KCTD1: variants seen among roughly 807,000 people sequenced by gnomAD.
KCTD1 encodes potassium channel tetramerization domain containing 1, also known as BTB/POZ domain-containing protein KCTD1.
In KCTD1, 24 loss-of-function variants were observed where a neutral mutation model predicts 66.0. That is an observed-to-expected ratio of 0.36 (90% CI 0.26 to 0.51). The LOEUF is 0.51. Among genes scored for constraint, KCTD1 ranks in the 20% least tolerant of loss-of-function variants. The pLI is 0.95. For missense variants in KCTD1, 943 were observed against 1,205.2 expected, an observed-to-expected ratio of 0.78 and a Z score of 3.22; for synonymous variants, 511 against 517.2, an observed-to-expected ratio of 0.99 and a Z score of 0.16.
At chr18:26,475,979 T>C (rs1981326293) in intron 3 of KCTD1, among the ~76,000 whole-genome samples, 1 of 152,240 alleles carries the variant, frequency 6.6e-6, no homozygotes. Context: ...AGAAACATTG[T>C]CAGCTGCAAA....
At chr18:26,603,787 T>TAAATAAAA (rs1464652163) in intron 1 of KCTD1, among the ~76,000 whole-genome samples, 1 of 141,112 alleles carries the variant, frequency 7.1e-6, no homozygotes, top group Non-Finnish European at 1.6e-5. Context: ...AATAAATAAA[T>TAAATAAAA]AAAACCCCAC....
chr18:26,594,700 C>T lies in KCTD1; in HGVS notation c.-16+34447G>A, dbSNP rs1434249854. Among the ~76,000 whole-genome samples the T allele has an allele frequency of 3.3e-5, 5 of 152,160 alleles. No homozygotes were observed. In the East Asian group the frequency reaches 7.7e-4, roughly 23 times the overall value. On this transcript the variant is annotated intron_variant, in intron 1 of 4. Coordinates refer to the KCTD1 transcript ENST00000317932. ...ATGTCTGGTCAACCAACAGTCTAGACGCTGCTGAGAAGATATTTTGGAATG... is the reference window on the plus strand; with the variant it reads ...ATGTCTGGTCAACCAACAGTCTAGATGCTGCTGAGAAGATATTTTGGAATG...
At chr18:26,499,050 A>G (rs1415384093) in intron 2 of KCTD1, among the ~76,000 whole-genome samples, 1 of 152,216 alleles carries the variant, frequency 6.6e-6, no homozygotes, top group Non-Finnish European at 1.5e-5. Context: ...TACAATGAGC[A>G]TAGAAGAAAA....
intron 1 of KCTD1, among the ~76,000 whole-genome samples, chr18:26,586,407 C>T (rs1986472985): frequency 6.6e-6 from 1 of 152,150 alleles, no homozygotes; most frequent in Non-Finnish European, 1.5e-5. Flanking sequence ...ACCAGCTGTT[C>T]CTCAGTCTCC....
intron 1 of KCTD1, chr18:26,581,728 C>T (rs1986357874): frequency 1.3e-5 from 2 of 151,976 alleles, no homozygotes; most frequent in African/African-American, 4.8e-5. Flanking sequence ...AAGACCTCAT[C>T]TCTAGATAAA....
Position 26,546,854 on chromosome 18 carries a change from C to T in KCTD1, c.1683G>A (p.Glu561=), listed in dbSNP as rs2144834650. 1 of 1,510,988 alleles carries T rather than the reference C, an allele frequency of 6.6e-7. No homozygotes were observed. Among genetic ancestry groups the T allele is most frequent in the Non-Finnish European group, 8.8e-7 (1 of 1,130,678 alleles). 93.6% of individuals were successfully genotyped at this position (1,510,988 alleles called of 1,614,324 possible). A position where few individuals can be genotyped will look rare whatever the true frequency, so the allele number is the denominator to read the frequency against. ...SPKRLCIRPS[E]PVDAVVVVSV... Reference sequence around the variant, plus strand: ...AAACCACCACCACCGCATCCACAGGCTCCGAGGGGCGGATACAAAGTCTTT... The same window carrying T: ...AAACCACCACCACCGCATCCACAGGTTCCGAGGGGCGGATACAAAGTCTTT... The change falls in exon 1 of 5, where the codon GAG becomes GAA. Residue 561 remains glutamate (E), a synonymous_variant. Transcript: ENST00000580059.
At chr18:26,552,571 T>TAAC (rs1395211254), upstream of KCTD1, among the ~76,000 whole-genome samples, 13 of 152,260 alleles carry the variant, frequency 8.5e-5, no homozygotes, top group Non-Finnish European at 1.6e-4. Context: ...ACATTATTGT[T>TAAC]TGCAAGTTAA....
chr18:26,613,520 C>A (rs1232650939), intron 1 of KCTD1, among the ~76,000 whole-genome samples: 1 of 152,146 alleles, frequency 6.6e-6, no homozygotes, highest in Non-Finnish European at 1.5e-5. Flanking sequence ...GGTGTGAAAG[C>A]AAAAGGAGAG....
At chr18:26,565,845 A>G (rs1256243600) in intron 1 of KCTD1, 1 of 152,158 alleles carries the variant, frequency 6.6e-6, no homozygotes, top group Non-Finnish European at 1.5e-5. Context: ...TGTACTAAGT[A>G]TACAGATCAT....
chr18:26,456,776 T>TAGAC (rs1980109199), intron 4 of KCTD1: 1 of 152,052 alleles, frequency 6.6e-6, no homozygotes, highest in Non-Finnish European at 1.5e-5. Flanking sequence ...TTAGATTAGA[T>TAGAC]AGACAAAAAT....
intron 1 of KCTD1, among the ~76,000 whole-genome samples, chr18:26,564,378 A>T (rs1985933070): frequency 6.6e-6 from 1 of 152,076 alleles, no homozygotes; most frequent in Non-Finnish European, 1.5e-5. Context: ...ATTCCCATCC[A>T]TGTCACCAGC....
At chr18:26,652,075 G>C (rs1988047350) in intron 1 of KCTD1, among the ~76,000 whole-genome samples, 1 of 152,186 alleles carries the variant, frequency 6.6e-6, no homozygotes, top group Non-Finnish European at 1.5e-5. Flanking sequence ...GCTGAGATAA[G>C]GTGAGACTGA....
At chr18:26,538,666 A>G (rs1457296734) in intron 1 of KCTD1, among the ~76,000 whole-genome samples, 1 of 152,194 alleles carries the variant, frequency 6.6e-6, no homozygotes, top group Non-Finnish European at 1.5e-5. Context: ...AATGATAGCA[A>G]ATATTCATAT....
chr18:26,570,191 A>AAATATATATATATATATAT (rs776923644), intron 1 of KCTD1, among the ~76,000 whole-genome samples: 12 of 132,544 alleles, frequency 9.1e-5, no homozygotes, highest in East Asian at 2.4e-4. Context: ...ATCTAAAAAA[A>AAATATATATATATATATAT]ATATATATAT....
intron 1 of KCTD1, among the ~76,000 whole-genome samples, chr18:26,655,461 CACGCACACAT>C (rs1372208776): frequency 6.6e-6 from 1 of 152,196 alleles, no homozygotes; most frequent in African/African-American, 2.4e-5. Flanking sequence ...CAGACACACA[CACGCACACAT>C]ACCGCATAGT....
At chr18:26,588,879 A>G (rs748523471) in intron 1 of KCTD1, among the ~76,000 whole-genome samples, 23,079 of 152,102 alleles carry the variant, frequency 0.15, 1,797 homozygotes, top group East Asian at 0.26. Context: ...AAGCCCTAAT[A>G]TATACAGTAT....
At chr18:26,509,576 C>T (rs1598906548) in intron 1 of KCTD1, among the ~76,000 whole-genome samples, 2 of 152,104 alleles carry the variant, frequency 1.3e-5, no homozygotes, top group Non-Finnish European at 2.9e-5. Flanking sequence ...GGTTTTCCAG[C>T]TCACAGGACA....
chr18:26,526,203 C>G (rs1400602538), intron 1 of KCTD1, among the ~76,000 whole-genome samples: 2 of 152,094 alleles, frequency 1.3e-5, no homozygotes, highest in Non-Finnish European at 2.9e-5. Context: ...GAAGAAGCAG[C>G]CCTCTCCGAG....
intron 1 of KCTD1, among the ~76,000 whole-genome samples, chr18:26,538,540 G>C (rs1465443525): frequency 6.6e-6 from 1 of 152,060 alleles, no homozygotes; most frequent in African/African-American, 2.4e-5. Flanking sequence ...ACAACAGAGG[G>C]GCCCCCGGTG....
Sources: allele counts gnomAD v4.1 joint callset (sites outside exome capture counted in the v4.1 genomes callset), GRCh38; gene constraint gnomAD v4.1.1; transcripts MANE v1.5; gene names NCBI Gene and HGNC (gene_info 2026-07-23, HGNC 2026-07-21).